The following PDE4D variants were observed in gnomAD, a reference collection of about 807,000 sequenced individuals.
The protein encoded by PDE4D is 3',5'-cyclic-AMP phosphodiesterase 4D.
Under a neutral mutation model 87.4 loss-of-function variants are expected in PDE4D, and 24 were observed. The observed-to-expected ratio is 0.27, with a 90% CI of 0.20 to 0.39. PDE4D has a LOEUF of 0.39. Among genes scored for constraint, PDE4D ranks in the 10% least tolerant of loss-of-function variants. The pLI, the probability that PDE4D is intolerant of heterozygous loss-of-function variation, is 1.00. For missense variants in PDE4D, 714 were observed against 1,041.0 expected, an observed-to-expected ratio of 0.69 and a Z score of 4.32; for synonymous variants, 384 against 383.2, an observed-to-expected ratio of 1.00 and a Z score of -0.02.
At chr5:59,950,804 C>T (rs190478283) in intron 3 of PDE4D, among the ~76,000 whole-genome samples, 14 of 151,964 alleles carry the variant, frequency 9.2e-5, no homozygotes, top group Admixed American at 2.0e-4. Context: ...CTTTTTTCCT[C>T]GTTTTATTTC....
chr5:59,208,955 C>A (rs1749457306), intron 2 of PDE4D, among the ~76,000 whole-genome samples: 1 of 152,014 alleles, frequency 6.6e-6, no homozygotes, highest in Non-Finnish European at 1.5e-5. Flanking sequence ...GTAACAGTGG[C>A]CAGCACACAG....
intron 2 of PDE4D, among the ~76,000 whole-genome samples, chr5:60,064,935 C>T (rs1241578081): frequency 6.6e-6 from 1 of 152,140 alleles, no homozygotes. Flanking sequence ...CCTATTACTG[C>T]CTTGACTGCA....
intron 1 of PDE4D, among the ~76,000 whole-genome samples, chr5:59,670,255 C>T (rs1446432692): frequency 6.6e-6 from 1 of 152,156 alleles, no homozygotes; most frequent in African/African-American, 2.4e-5. Context: ...CACACAAGTA[C>T]TCTGTAAGTA....
intron 5 of PDE4D, among the ~76,000 whole-genome samples, chr5:59,138,061 A>G (rs1417228416): frequency 5.3e-5 from 8 of 152,108 alleles, no homozygotes; most frequent in Non-Finnish European, 1.0e-4. Flanking sequence ...GAGGAATCTC[A>G]CTGTTAGTAT....
intron 1 of PDE4D, among the ~76,000 whole-genome samples, chr5:59,700,385 A>G (rs889325909): frequency 6.6e-6 from 1 of 152,186 alleles, no homozygotes; most frequent in African/African-American, 2.4e-5. Flanking sequence ...AAAATTAAAT[A>G]ACGACATAGG....
intron 1 of PDE4D, among the ~76,000 whole-genome samples, chr5:59,372,658 C>T (rs1003792533): frequency 6.6e-6 from 1 of 152,206 alleles, no homozygotes; most frequent in Non-Finnish European, 1.5e-5. Flanking sequence ...CCAGCCAACA[C>T]CACCTCCAGT....
At chr5:60,253,872 C>G (rs2149688254) in intron 1 of PDE4D, among the ~76,000 whole-genome samples, 1 of 151,906 alleles carries the variant, frequency 6.6e-6, no homozygotes, top group East Asian at 1.9e-4. Flanking sequence ...AATATTGGGA[C>G]AGAGTAAAGG....
intron 5 of PDE4D, among the ~76,000 whole-genome samples, chr5:59,106,198 A>C (rs1771550509): frequency 6.6e-6 from 1 of 152,202 alleles, no homozygotes; most frequent in Non-Finnish European, 1.5e-5. Context: ...AAGTTCACTG[A>C]GCTTCCTTTG....
At chr5:59,986,077 A>G (rs143134953) in intron 3 of PDE4D, among the ~76,000 whole-genome samples, 79 of 152,338 alleles carry the variant, frequency 5.2e-4, no homozygotes, top group African/African-American at 1.9e-3. Context: ...TTAGCAATAC[A>G]TTCTCTCTCT....
At chr5:59,229,283 C>T (rs1019007113) in intron 1 of PDE4D, among the ~76,000 whole-genome samples, 6 of 152,018 alleles carry the variant, frequency 3.9e-5, no homozygotes, top group Non-Finnish European at 7.4e-5. Context: ...TTTTCTATAC[C>T]GGTTATCATT....
intron 1 of PDE4D, among the ~76,000 whole-genome samples, chr5:59,288,269 C>A (rs981070440): frequency 6.6e-6 from 1 of 151,786 alleles, no homozygotes. Context: ...TTAAAAGAAT[C>A]AAGCGGAAAT....
Position 59,358,688 on chromosome 5 carries a change from G to A in PDE4D, c.456-142720C>T, listed in dbSNP as rs562795821. On this transcript the variant is annotated intron_variant, in intron 1 of 14. Transcript: ENST00000340635. The stretch of plus-strand genomic sequence containing the variant: ...GATAACTGGTGATCTGCGTAAAGAG[G>A]GGAGGAGTCCCTAACAGCTGGTGGG... Among the ~76,000 whole-genome samples, 10 of 152,180 alleles carry A rather than the reference G, an allele frequency of 6.6e-5. No homozygotes were observed. The South Asian group carries it at 1.5e-3, about 22-fold the overall frequency.
intron 3 of PDE4D, among the ~76,000 whole-genome samples, chr5:59,933,826 G>A (rs996180782): frequency 5.3e-5 from 8 of 149,584 alleles, no homozygotes; most frequent in South Asian, 4.2e-4. Flanking sequence ...ATAATTTTGC[G>A]CATTTTATGG....
At chr5:59,251,659 T>C (rs1449837805) in intron 1 of PDE4D, among the ~76,000 whole-genome samples, 1 of 152,086 alleles carries the variant, frequency 6.6e-6, no homozygotes, top group Non-Finnish European at 1.5e-5. Flanking sequence ...CGTTTGACCA[T>C]GCAATCCTAT....
chr5:59,924,263 G>A (rs896412727), intron 3 of PDE4D, among the ~76,000 whole-genome samples: 1 of 152,136 alleles, frequency 6.6e-6, no homozygotes, highest in African/African-American at 2.4e-5. Context: ...AAATCTAAGA[G>A]TTATTGGCCC....
chr5:59,205,807 C>T (rs1285638307), intron 2 of PDE4D, among the ~76,000 whole-genome samples: 1 of 151,980 alleles, frequency 6.6e-6, no homozygotes, highest in Non-Finnish European at 1.5e-5. Context: ...ATGAGATCTG[C>T]ATGTAGCTTT....
At chr5:59,978,833 G>C (rs1324151729) in intron 3 of PDE4D, among the ~76,000 whole-genome samples, 1 of 152,068 alleles carries the variant, frequency 6.6e-6, no homozygotes, top group Non-Finnish European at 1.5e-5. Context: ...ACCTTGATCA[G>C]TCAGCAGTCA....
chr5:59,865,874 C>T (rs577360028), intron 1 of PDE4D, among the ~76,000 whole-genome samples: 5 of 152,322 alleles, frequency 3.3e-5, no homozygotes, highest in Admixed American at 1.3e-4. Flanking sequence ...AGACATGTAA[C>T]TATAGTAAAG....
At chr5:60,412,885 A>C (rs963934930) in intron 1 of PDE4D, among the ~76,000 whole-genome samples, 11 of 152,122 alleles carry the variant, frequency 7.2e-5, no homozygotes, top group African/African-American at 2.7e-4. Context: ...GGTTTTAATC[A>C]AATACTTTTT....
Sources: gnomAD v4.1 joint callset for allele counts (sites outside exome capture counted in the v4.1 genomes callset) on GRCh38, gnomAD v4.1.1 for gene constraint, MANE v1.5 for transcripts, NCBI Gene and HGNC (gene_info 2026-07-23, HGNC 2026-07-21) for gene names.